MIAT: variants seen among roughly 807,000 people sequenced by gnomAD.
The protein encoded by MIAT is myocardial infarction associated transcript, also known as MI related novel mRNA.
At chr22:26,669,478 C>T (rs1421698955) in exon 6 of MIAT, 25 of 323,956 alleles carry the variant, frequency 7.7e-5, no homozygotes, top group Non-Finnish European at 1.3e-4. Context: ...GCTCTGGTGT[C>T]TCCTCCTCTT....
chr22:26,647,341 G>C, intron 2 of MIAT: 1 of 210,780 alleles, frequency 4.7e-6, no homozygotes, highest in Non-Finnish European at 9.1e-6. Flanking sequence ...AACCTCACGG[G>C]TTAGTTGTGG....
chr22:26,666,148 T>G (rs1023668458), exon 4 of MIAT: 2 of 398,550 alleles, frequency 5.0e-6, no homozygotes, highest in Non-Finnish European at 8.8e-6. Flanking sequence ...TCTGAAGATA[T>G]GCTGAGAGAG....
downstream of MIAT, chr22:26,670,758 C>T (rs932442887): frequency 5.0e-5 from 20 of 398,320 alleles, no homozygotes; most frequent in African/African-American, 1.0e-4. Flanking sequence ...CTTTTATGGC[C>T]GTAGAATCTT....
chr22:26,664,231 C>G (rs1309051971), intron 3 of MIAT, among the ~76,000 whole-genome samples: 3 of 151,988 alleles, frequency 2.0e-5, no homozygotes, highest in African/African-American at 7.3e-5. Flanking sequence ...AGGCTGGTCT[C>G]GAACTCCTGA....
At chr22:26,647,489 C>T (rs1034288005) in intron 2 of MIAT, 9 of 384,160 alleles carry the variant, frequency 2.3e-5, no homozygotes, top group African/African-American at 4.2e-5. Context: ...CCAGAAGGAG[C>T]GGGGCCCCAG....
chr22:26,667,701 C>T (rs1437506680), intron 5 of MIAT: 1 of 172,958 alleles, frequency 5.8e-6, no homozygotes, highest in African/African-American at 2.4e-5. Flanking sequence ...TTCTCAGAGA[C>T]AGGGTCTCAC....
chr22:26,649,307 G>A (rs1463219512), intron 2 of MIAT, among the ~76,000 whole-genome samples: 2 of 152,232 alleles, frequency 1.3e-5, no homozygotes, highest in Non-Finnish European at 2.9e-5. Context: ...CTGAGTCCAT[G>A]TATTCACTGC....
chr22:26,651,370 T>A (rs1319004119), intron 2 of MIAT, among the ~76,000 whole-genome samples: 1 of 152,032 alleles, frequency 6.6e-6, no homozygotes, highest in Admixed American at 6.6e-5. Context: ...AAGACAAAAT[T>A]TGGCCTTGCC....
intron 2 of MIAT, among the ~76,000 whole-genome samples, chr22:26,661,947 T>TCC (rs1930688267): frequency 2.7e-5 from 1 of 37,306 alleles, no homozygotes; most frequent in Non-Finnish European, 5.2e-5. Flanking sequence ...TATATATATA[T>TCC]ATATATATAT....
intron 2 of MIAT, among the ~76,000 whole-genome samples, chr22:26,653,327 G>C (rs1930370709): frequency 6.6e-6 from 1 of 152,212 alleles, no homozygotes; most frequent in Non-Finnish European, 1.5e-5. Flanking sequence ...TCAGTTCACG[G>C]CTTGTCCCGA....
rs138436030 is a variant in MIAT at position 26,663,266 on chromosome 22, T to A, written n.647-50T>A. On this transcript the variant is annotated intron_variant and non_coding_transcript_variant, in intron 2 of 5. Coordinates refer to ENST00000643270, the Ensembl canonical transcript of MIAT. ...TAGCATCTATTCTCCACTGTACCCA[T>A]GGGTATGTATTTATTCTCTCACTGC... The A allele has an allele frequency of 6.7e-4, 267 of 398,496 alleles. 1 individual carries two copies. The highest frequency in any genetic ancestry group is 5.1e-3 in the African/African-American group (249 of 48,752). 24.7% of individuals were successfully genotyped at this position (398,496 alleles called of 1,614,324 possible).
At chr22:26,647,413 GAGAGAGAGAGAGATT>G in intron 2 of MIAT, 1 of 335,770 alleles carries the variant, frequency 3.0e-6, no homozygotes, top group Non-Finnish European at 5.3e-6. Context: ...GAGAGAGAGA[GAGAGAGAGAGAGATT>G]GTGTACAACA....
chr22:26,670,382 CAG>C, downstream of MIAT: 1 of 398,246 alleles, frequency 2.5e-6, no homozygotes, highest in East Asian at 3.6e-5. Flanking sequence ...CATGGAGAAT[CAG>C]AGAATGGGAC....
At chr22:26,659,106 TG>T (rs966597898) in intron 2 of MIAT, among the ~76,000 whole-genome samples, 1 of 152,042 alleles carries the variant, frequency 6.6e-6, no homozygotes, top group African/African-American at 2.4e-5. Context: ...TCAGCAGGTT[TG>T]GGGTGGGGCT....
At chr22:26,657,710 C>A in intron 2 of MIAT, 1 of 398,690 alleles carries the variant, frequency 2.5e-6, no homozygotes, top group African/African-American at 2.1e-5. Flanking sequence ...TGTCCCCTAA[C>A]GGGGAACAGC....
At chr22:26,663,868 T>C (rs1382466117) in intron 3 of MIAT, among the ~76,000 whole-genome samples, 1 of 151,874 alleles carries the variant, frequency 6.6e-6, no homozygotes, top group Non-Finnish European at 1.5e-5. Context: ...TGTTCCCCTG[T>C]ATTCCCTCCC....
chr22:26,672,783 A>G (rs151082912), downstream of MIAT: 4 of 398,758 alleles, frequency 1.0e-5, no homozygotes, highest in East Asian at 1.4e-4. Flanking sequence ...AAGTCAATGA[A>G]GCGGGTCTTT....
Position 26,665,322 on chromosome 22 carries a change from G to A in MIAT, n.730-209G>A, listed in dbSNP as rs557772709. 17 of 392,688 alleles carry A rather than the reference G, an allele frequency of 4.3e-5. No individual in the cohort carries two copies. The South Asian group carries it at 4.4e-4, about 10-fold the overall frequency. 24.3% of individuals were successfully genotyped at this position (392,688 alleles called of 1,614,324 possible). A position where few individuals can be genotyped will look rare whatever the true frequency, so the allele number is the denominator to read the frequency against. ...TAACTTTGAGTCACACATTGAGTAC[G>A]TAGGAGTGAGAGAGCCACAGTTTCC... On this transcript the variant is annotated intron_variant and non_coding_transcript_variant, in intron 3 of 5. Transcript: ENST00000643270.
At chr22:26,657,672 C>G (rs1247520012) in intron 2 of MIAT, 1 of 398,674 alleles carries the variant, frequency 2.5e-6, no homozygotes, top group Non-Finnish European at 4.4e-6. Context: ...GTCGCCCCAT[C>G]CTAGAAGCCT....
Sources: allele counts gnomAD v4.1 joint callset (sites outside exome capture counted in the v4.1 genomes callset), GRCh38; gene constraint gnomAD v4.1.1; transcripts MANE v1.5; gene names NCBI Gene and HGNC (gene_info 2026-07-23, HGNC 2026-07-21).